Variants in GPC6 observed in about 807,000 individuals in gnomAD.
The protein encoded by GPC6 is glypican 6.
A neutral mutation model predicts 55.2 loss-of-function variants in GPC6; 14 were observed. The ratio of observed to expected loss-of-function variants is 0.25; its 90% CI spans 0.17 to 0.40. GPC6 has a LOEUF of 0.40. Among genes scored for constraint, GPC6 ranks in the 10% least tolerant of loss-of-function variants. The pLI is 1.00. For missense variants in GPC6, 641 were observed against 708.5 expected (o/e 0.90, Z 1.08); for synonymous variants, 278 against 259.6 (o/e 1.07, Z -0.68).
At chr13:93,244,447 A>C (rs1337903377) in intron 1 of GPC6, among the ~76,000 whole-genome samples, 2 of 152,212 alleles carry the variant, frequency 1.3e-5, no homozygotes, top group African/African-American at 4.8e-5. Context: ...TAGGTTGCAA[A>C]TCTCGCTTGG....
chr13:93,612,544 A>ACACACAC (rs1555316453), intron 2 of GPC6, among the ~76,000 whole-genome samples: 5 of 71,144 alleles, frequency 7.0e-5, no homozygotes, highest in African/African-American at 1.8e-4. Flanking sequence ...CACACACACA[A>ACACACAC]ACTTCATGTG....
intron 4 of GPC6, among the ~76,000 whole-genome samples, chr13:94,112,283 T>A (rs557763311): frequency 2.0e-5 from 3 of 152,288 alleles, no homozygotes; most frequent in Non-Finnish European, 4.4e-5. Context: ...GGCTACCAAT[T>A]CACAAAAATA....
intron 6 of GPC6, among the ~76,000 whole-genome samples, chr13:94,310,698 C>A (rs1418829651): frequency 6.6e-6 from 1 of 152,008 alleles, no homozygotes; most frequent in Non-Finnish European, 1.5e-5. Flanking sequence ...CTGCACATAG[C>A]CAACTTGTTT....
intron 1 of GPC6, among the ~76,000 whole-genome samples, chr13:93,507,530 T>G (rs1286497748): frequency 2.6e-5 from 4 of 152,224 alleles, no homozygotes; most frequent in African/African-American, 9.7e-5. Context: ...TTAATTCCAA[T>G]GAGCAGCTTC....
chr13:93,303,862 T>C (rs1451808192), intron 1 of GPC6, among the ~76,000 whole-genome samples: 2 of 147,730 alleles, frequency 1.4e-5, no homozygotes, highest in Admixed American at 7.0e-5. Context: ...GTTTGGGCAA[T>C]GTAGATACTA....
chr13:94,181,324 A>C (rs1026622054), intron 4 of GPC6, among the ~76,000 whole-genome samples: 1 of 152,150 alleles, frequency 6.6e-6, no homozygotes, highest in South Asian at 2.1e-4. Context: ...GCCCAGCTGT[A>C]AAATTTCTCT....
chr13:93,480,956 G>A (rs545786089), intron 1 of GPC6, among the ~76,000 whole-genome samples: 2 of 152,270 alleles, frequency 1.3e-5, no homozygotes, highest in South Asian at 4.1e-4. Flanking sequence ...TTTTTAGTGA[G>A]TGAATACCTA....
At chr13:93,896,499 A>G (rs1031413471) in intron 3 of GPC6, among the ~76,000 whole-genome samples, 1 of 152,062 alleles carries the variant, frequency 6.6e-6, no homozygotes, top group Non-Finnish European at 1.5e-5. Flanking sequence ...GGGAAAAATG[A>G]TAGTCTCTCA....
chr13:93,385,494 T>C (rs1016320510), intron 1 of GPC6, among the ~76,000 whole-genome samples: 1 of 152,218 alleles, frequency 6.6e-6, no homozygotes, highest in African/African-American at 2.4e-5. Flanking sequence ...AAAGAGGATG[T>C]GGAGAAACTG....
At chr13:93,708,308 A>C (rs1882929058) in intron 2 of GPC6, among the ~76,000 whole-genome samples, 1 of 151,740 alleles carries the variant, frequency 6.6e-6, no homozygotes, top group Non-Finnish European at 1.5e-5. Context: ...ATGTACTGGC[A>C]TATCTTTTTT....
chr13:94,180,878 C>CAGAGAGAGAG (rs71272207), intron 4 of GPC6, among the ~76,000 whole-genome samples: 1 of 149,564 alleles, frequency 6.7e-6, no homozygotes. Context: ...GAGACACACA[C>CAGAGAGAGAG]AGAGAGAGAG....
chr13:93,598,391 A>G (rs998308724), intron 2 of GPC6, among the ~76,000 whole-genome samples: 1 of 152,130 alleles, frequency 6.6e-6, no homozygotes, highest in Non-Finnish European at 1.5e-5. Context: ...CTTCCTCTTT[A>G]CATTCAACTA....
intron 4 of GPC6, among the ~76,000 whole-genome samples, chr13:94,194,861 ATG>A (rs1225073979): frequency 6.6e-6 from 1 of 151,676 alleles, no homozygotes; most frequent in Non-Finnish European, 1.5e-5. Context: ...GTATCTGTGT[ATG>A]TGTGTGTGTG....
At chr13:94,192,522 C>A (rs1464792208) in intron 4 of GPC6, among the ~76,000 whole-genome samples, 2 of 152,174 alleles carry the variant, frequency 1.3e-5, no homozygotes, top group Non-Finnish European at 2.9e-5. Flanking sequence ...GCCAGATCTC[C>A]CCTAAAGATT....
intron 2 of GPC6, among the ~76,000 whole-genome samples, chr13:93,718,598 T>C (rs1298910169): frequency 6.6e-6 from 1 of 152,106 alleles, no homozygotes; most frequent in East Asian, 1.9e-4. Flanking sequence ...GTACAGAAGC[T>C]CTTTAGTTTA....
intron 5 of GPC6, among the ~76,000 whole-genome samples, chr13:94,287,054 G>A (rs556349282): frequency 2.6e-4 from 40 of 152,236 alleles, no homozygotes; most frequent in African/African-American, 9.4e-4. Flanking sequence ...GAGCTCCTGG[G>A]TTTGCAGCTG....
At chr13:93,330,839 C>T (rs1225572572) in intron 1 of GPC6, among the ~76,000 whole-genome samples, 1 of 152,120 alleles carries the variant, frequency 6.6e-6, no homozygotes, top group Non-Finnish European at 1.5e-5. Context: ...ATACGCAAAT[C>T]CCAACAAAAT....
chr13:94,387,413 T>G (rs555006595), intron 7 of GPC6, among the ~76,000 whole-genome samples: 1 of 152,348 alleles, frequency 6.6e-6, no homozygotes, highest in Non-Finnish European at 1.5e-5. Flanking sequence ...GTTAAGGGAA[T>G]GTCTTCCCTG....
chr13:94,135,321 G>T (rs1887147600), intron 4 of GPC6, among the ~76,000 whole-genome samples: 1 of 151,284 alleles, frequency 6.6e-6, no homozygotes, highest in South Asian at 2.1e-4. Context: ...CACATTAGAT[G>T]ATTAAATATG....
Sources: allele counts gnomAD v4.1 joint callset (sites outside exome capture counted in the v4.1 genomes callset), GRCh38; gene constraint gnomAD v4.1.1; transcripts MANE v1.5; gene names NCBI Gene and HGNC (gene_info 2026-07-23, HGNC 2026-07-21).